The following HAUS1 variants were observed in gnomAD, a reference collection of about 807,000 sequenced individuals.
HAUS1 encodes the protein HAUS augmin like complex subunit 1.
Under a neutral mutation model 38.6 loss-of-function variants are expected in HAUS1, and 25 were observed. The ratio of observed to expected loss-of-function variants is 0.65; its 90% CI spans 0.47 to 0.91. HAUS1 has a LOEUF of 0.91. HAUS1 is among the 40% of genes least tolerant of loss of function. HAUS1 has a pLI of 0.00. For missense variants in HAUS1, 325 were observed against 328.4 expected (o/e 0.99, Z 0.08); for synonymous variants, 109 against 112.9 (o/e 0.97, Z 0.22).
chr18:46,117,585 T>C (rs1911827208), intron 2 of HAUS1, among the ~76,000 whole-genome samples: 1 of 152,036 alleles, frequency 6.6e-6, no homozygotes, highest in African/African-American at 2.4e-5. Context: ...TCCTAGCACT[T>C]TGGGAGGCCA....
At chr18:46,120,942 G>A (rs1911922416) in intron 4 of HAUS1, among the ~76,000 whole-genome samples, 1 of 152,114 alleles carries the variant, frequency 6.6e-6, no homozygotes, top group African/African-American at 2.4e-5. Context: ...AAATGTATGT[G>A]ATTTTTCTTA....
intron 2 of HAUS1, among the ~76,000 whole-genome samples, chr18:46,107,949 C>T (rs1322038194): frequency 2.0e-5 from 3 of 152,142 alleles, no homozygotes; most frequent in Non-Finnish European, 2.9e-5. Context: ...AAGTGATCCT[C>T]CCACCTCAGC....
intron 6 of HAUS1, among the ~76,000 whole-genome samples, chr18:46,124,385 C>T (rs1198281768): frequency 7.1e-6 from 1 of 140,798 alleles, no homozygotes; most frequent in African/African-American, 2.7e-5. Context: ...CCACTGCACT[C>T]CAGCCTGGGT....
chr18:46,110,864 T>G (rs1371064838), intron 2 of HAUS1, among the ~76,000 whole-genome samples: 1 of 144,002 alleles, frequency 6.9e-6, no homozygotes, highest in African/African-American at 2.7e-5. Flanking sequence ...GTTTTTTTTT[T>G]CTCTTGCTGC....
intron 2 of HAUS1, among the ~76,000 whole-genome samples, chr18:46,116,856 A>T (rs1911810102): frequency 6.6e-6 from 1 of 152,044 alleles, no homozygotes; most frequent in South Asian, 2.1e-4. Context: ...CCACAAAAAA[A>T]TACAAAAATT....
intron 2 of HAUS1, among the ~76,000 whole-genome samples, chr18:46,117,901 G>A (rs186265725): frequency 2.6e-4 from 39 of 151,600 alleles, no homozygotes; most frequent in African/African-American, 9.0e-4. Flanking sequence ...AGCTGAGATC[G>A]TGCCACTGCA....
intron 1 of HAUS1, among the ~76,000 whole-genome samples, chr18:46,104,817 G>A (rs772760021): frequency 1.1e-4 from 16 of 152,202 alleles, no homozygotes; most frequent in Non-Finnish European, 1.8e-4. Flanking sequence ...CCGGCGCGGC[G>A]GGGCTTCTGG....
At chr18:46,110,389 G>A (rs540200033) in intron 2 of HAUS1, among the ~76,000 whole-genome samples, 8 of 123,916 alleles carry the variant, frequency 6.5e-5, no homozygotes, top group African/African-American at 2.4e-4. Context: ...TTGTTGCCCA[G>A]GCTGGAGTGC....
intron 5 of HAUS1, among the ~76,000 whole-genome samples, 171 bp downstream of exon 5, chr18:46,122,761 A>G (rs1405669188): frequency 6.6e-6 from 1 of 152,214 alleles, no homozygotes; most frequent in Non-Finnish European, 1.5e-5. Flanking sequence ...ATTCAAACTC[A>G]GGCATCCAGG....
chr18:46,123,463 C>A, intron 6 of HAUS1, 99 bp downstream of exon 6: 2 of 816,300 alleles, frequency 2.5e-6, no homozygotes, highest in Non-Finnish European at 4.1e-6. Context: ...TCACTGTGGA[C>A]CTGATTTCTT....
At chr18:46,110,887 CTTTT>C (rs57307297) in intron 2 of HAUS1, among the ~76,000 whole-genome samples, 6 of 96,066 alleles carry the variant, frequency 6.2e-5, no homozygotes, top group Admixed American at 1.1e-4. Flanking sequence ...TCAAGATTTT[CTTTT>C]TTTTTTTTTT....
chr18:46,118,913 G>A (rs1252357751), intron 3 of HAUS1, among the ~76,000 whole-genome samples: 1 of 152,138 alleles, frequency 6.6e-6, no homozygotes, highest in Non-Finnish European at 1.5e-5. Context: ...TGTCACCCAG[G>A]CTGGAGTGCA....
rs1006430490 is a variant in HAUS1 at position 46,105,055 on chromosome 18, A to C, written c.31-139A>C. The C allele has an allele frequency of 1.1e-5, 6 of 537,618 alleles. No individual in the cohort carries two copies. The African/African-American group carries it at 1.2e-4, about 10-fold the overall frequency. The allele number at this position is 537,618 out of a possible 1,614,324, so 33.3% of individuals were successfully genotyped here. A position where few individuals can be genotyped will look rare whatever the true frequency, so the allele number is the denominator to read the frequency against. ...CCTGATATCTAGTATCTCCCTAAAGACAAGTGAGGTTGTGAAGTAGGACTC... is the reference window on the plus strand; with the variant it reads ...CCTGATATCTAGTATCTCCCTAAAGCCAAGTGAGGTTGTGAAGTAGGACTC... On this transcript the variant is annotated intron_variant, in intron 1 of 8. Coordinates refer to ENST00000282058, the MANE Select transcript of HAUS1 (RefSeq NM_138443.4).
intron 3 of HAUS1, among the ~76,000 whole-genome samples, chr18:46,118,918 A>C (rs908485438): frequency 1.6e-4 from 24 of 152,158 alleles, no homozygotes; most frequent in African/African-American, 4.6e-4. Flanking sequence ...CCCAGGCTGG[A>C]GTGCAGTGGC....
chr18:46,117,251 AT>A (rs1911818972), intron 2 of HAUS1, among the ~76,000 whole-genome samples: 1 of 152,226 alleles, frequency 6.6e-6, no homozygotes, highest in Admixed American at 6.5e-5. Flanking sequence ...TTTTAGCAGC[AT>A]TTATAATAGC....
At chr18:46,126,136 G>A (rs909984678) in intron 8 of HAUS1, among the ~76,000 whole-genome samples, 3 of 152,044 alleles carry the variant, frequency 2.0e-5, no homozygotes, top group South Asian at 2.1e-4. Context: ...TAAGCTGGGC[G>A]TGGTGATGCG....
chr18:46,117,571 G>A (rs1911826856), intron 2 of HAUS1, among the ~76,000 whole-genome samples: 1 of 152,154 alleles, frequency 6.6e-6, no homozygotes, highest in Admixed American at 6.5e-5. Flanking sequence ...GCTCACACCT[G>A]TAATCCTAGC....
chr18:46,105,428 CTAAAG>C (rs756512976), intron 2 of HAUS1, 60 bp downstream of exon 2: 1 of 1,392,720 alleles, frequency 7.2e-7, no homozygotes, highest in Non-Finnish European at 9.9e-7. Context: ...TTTTATAACA[CTAAAG>C]TATACAGGAT....
intron 3 of HAUS1, 85 bp from the exon 4 acceptor site, chr18:46,119,841 G>C: frequency 8.4e-7 from 1 of 1,192,670 alleles, no homozygotes. Context: ...AAAATCTACA[G>C]GGCAATAAAG....
Sources: allele counts gnomAD v4.1 joint callset (sites outside exome capture counted in the v4.1 genomes callset), GRCh38; gene constraint gnomAD v4.1.1; transcripts MANE v1.5; gene names NCBI Gene and HGNC (gene_info 2026-07-23, HGNC 2026-07-21).